The following CUX1 variants were observed in gnomAD, a reference collection of about 807,000 sequenced individuals.
CUX1 encodes protein CASP.
Under a neutral mutation model 158.8 loss-of-function variants are expected in CUX1, and 31 were observed. The ratio of observed to expected loss-of-function variants is 0.20; its 90% confidence interval spans 0.15 to 0.26. CUX1 has a LOEUF of 0.26. Among genes scored for constraint, CUX1 ranks in the 10% least tolerant of loss-of-function variants. The pLI is 1.00. For synonymous variants in CUX1, 879 were observed against 862.1 expected, an observed-to-expected ratio of 1.02 and a Z score of -0.34; for missense variants, 1,589 against 2,014.6, an observed-to-expected ratio of 0.79 and a Z score of 4.04.
At chr7:102,215,910 C>T (rs1796999369) in intron 20 of CUX1, among the ~76,000 whole-genome samples, 2 of 152,232 alleles carry the variant, frequency 1.3e-5, no homozygotes, top group African/African-American at 4.8e-5. Context: ...CAGCATCCTC[C>T]ACACAGATGG....
intron 3 of CUX1, among the ~76,000 whole-genome samples, chr7:102,068,615 C>G (rs973659136): frequency 1.3e-5 from 2 of 152,250 alleles, no homozygotes; most frequent in Admixed American, 6.5e-5. Flanking sequence ...GCCCCACATC[C>G]TTAATCAGGA....
chr7:101,974,264 C>A (rs1028717779), intron 2 of CUX1, among the ~76,000 whole-genome samples: 4 of 152,064 alleles, frequency 2.6e-5, no homozygotes, highest in African/African-American at 9.7e-5. Context: ...ATGACTGAGG[C>A]CACAGAGCCG....
At chr7:102,171,250 T>C (rs1480617863) in intron 10 of CUX1, among the ~76,000 whole-genome samples, 1 of 152,076 alleles carries the variant, frequency 6.6e-6, no homozygotes, top group Non-Finnish European at 1.5e-5. Context: ...CTCAGCAGTC[T>C]GGTGATGGGG....
chr7:102,030,145 G>A (rs1465270563), intron 3 of CUX1, among the ~76,000 whole-genome samples: 1 of 152,072 alleles, frequency 6.6e-6, no homozygotes, highest in Non-Finnish European at 1.5e-5. Context: ...CCAAGTAGCT[G>A]GGATTACAGG....
At chr7:102,048,199 C>A (rs1823043109) in intron 3 of CUX1, among the ~76,000 whole-genome samples, 1 of 152,176 alleles carries the variant, frequency 6.6e-6, no homozygotes, top group African/African-American at 2.4e-5. Flanking sequence ...CAGCTCCAGG[C>A]TCCAGCCTCT....
At position 102,201,551 on chromosome 7, in the gene CUX1, C is replaced by G. The variant is rs782637591; in HGVS notation, c.2254C>G (p.Pro752Ala). The change falls in exon 18 of 24, where the codon CCC (proline) becomes GCC (alanine). Residue 752 changes from proline (P) to alanine (A), a missense_variant. Physicochemically the swap from Pro to Ala is conservative, Grantham distance 27. Coordinates refer to ENST00000292535, the MANE Select transcript of CUX1 (RefSeq NM_181552.4). The surrounding 1 kb of genome is among the most constrained non-coding windows in gnomAD (Gnocchi z 5.0). ...TPKLLSTSPM[P>A]TVSSYPPLAI... The stretch of plus-strand genomic sequence containing the variant: ...CAAGCTTCTGTCCACCTCGCCCATG[C>G]CCACCGTGTCCAGCTACCCACCTCT... The G allele has an allele frequency of 1.9e-6, 3 of 1,614,180 alleles. No individual in the cohort carries two copies. In the Admixed American group the frequency reaches 5.0e-5, roughly 27 times the overall value.
intron 8 of CUX1, among the ~76,000 whole-genome samples, chr7:102,156,061 G>A (rs986415594): frequency 2.0e-5 from 3 of 152,160 alleles, no homozygotes; most frequent in Non-Finnish European, 4.4e-5. Context: ...CCGATCACAA[G>A]GCATCTGTTA....
In CUX1 at chr7:101,817,729, CG is replaced by C. The variant is rs1792030001; in HGVS notation, c.30+66del. ...CAGGCGCGGAGGGAACCGGGGATGT[CG>C]GGGGGTGCCCGGGTCCCGCGGCTTA... On this transcript the variant is annotated intron_variant, in intron 1 of 23. Transcript: ENST00000292535. The surrounding 1 kb of genome is among the most constrained non-coding windows in gnomAD (Gnocchi z 4.1). 31 of 1,538,862 alleles carry C rather than the reference CG, an allele frequency of 2.0e-5. No individual in the cohort carries two copies. Among genetic ancestry groups the C allele is most frequent in the Middle Eastern group, 1.7e-4 (1 of 5,938 alleles).
At chr7:102,282,600 G>C (rs1792164546) in intron 21 of CUX1, 2 of 1,108,442 alleles carry the variant, frequency 1.8e-6, no homozygotes, top group East Asian at 2.6e-5. Flanking sequence ...ACCCGCCCCG[G>C]AGTCTGGGGC....
intron 20 of CUX1, among the ~76,000 whole-genome samples, chr7:102,208,714 G>T (rs1029014768): frequency 3.9e-5 from 6 of 152,160 alleles, no homozygotes; most frequent in Non-Finnish European, 7.3e-5. Context: ...ATTGCTACAG[G>T]ATTCCGATTC....
At chr7:101,902,607 G>A (rs1185814022) in intron 1 of CUX1, among the ~76,000 whole-genome samples, 2 of 152,206 alleles carry the variant, frequency 1.3e-5, no homozygotes, top group African/African-American at 4.8e-5. Context: ...ATTGGTTGGA[G>A]GGTCAACCCA....
chr7:102,237,865 C>T (rs1285611541), intron 22 of CUX1, among the ~76,000 whole-genome samples: 1 of 151,632 alleles, frequency 6.6e-6, no homozygotes, highest in Non-Finnish European at 1.5e-5. Context: ...GAACCATCTC[C>T]AATCATAGGT....
intron 2 of CUX1, among the ~76,000 whole-genome samples, chr7:101,990,834 G>A (rs1049928980): frequency 6.6e-6 from 1 of 152,198 alleles, no homozygotes; most frequent in Admixed American, 6.5e-5. Flanking sequence ...GCTGGGCTCT[G>A]TGTCTTCTGT....
intron 9 of CUX1, among the ~76,000 whole-genome samples, chr7:102,166,931 C>T (rs959447921): frequency 1.7e-4 from 26 of 152,100 alleles, no homozygotes; most frequent in African/African-American, 5.6e-4. Context: ...AGAGACTGTC[C>T]GTGAACTTGG....
chr7:101,851,812 A>G (rs1464005558), intron 1 of CUX1, among the ~76,000 whole-genome samples: 2 of 141,378 alleles, frequency 1.4e-5, no homozygotes, highest in South Asian at 2.3e-4. Flanking sequence ...CTTACTTTTC[A>G]TTTGTCTTTC....
At position 102,144,002 on chromosome 7, in the gene CUX1, G is replaced by A. The variant is rs181764743; in HGVS notation, c.675-14558G>A. Among the ~76,000 whole-genome samples the A allele has an allele frequency of 2.8e-3, 425 of 151,832 alleles. 6 individuals carry two copies. Among genetic ancestry groups the A allele is most frequent in the Admixed American group, 0.026 (402 of 15,216 alleles). On this transcript the variant is annotated intron_variant, in intron 8 of 23. Coordinates refer to ENST00000292535, the MANE Select transcript of CUX1 (RefSeq NM_181552.4). Reference sequence around the variant, plus strand: ...TTACCATGTTGGCCAGGCTGGTCTCGAACTCCTGACCTCAGGCAATCCACC... The same window carrying A: ...TTACCATGTTGGCCAGGCTGGTCTCAAACTCCTGACCTCAGGCAATCCACC...
chr7:102,070,949 TTTC>T (rs1246931184), intron 4 of CUX1, among the ~76,000 whole-genome samples: 157 of 149,032 alleles, frequency 1.1e-3, no homozygotes, highest in East Asian at 3.2e-3. Context: ...TTATTTTTTT[TTTC>T]TAATTTTATT....
chr7:101,832,715 T>C (rs1794190471), intron 1 of CUX1, among the ~76,000 whole-genome samples: 1 of 152,210 alleles, frequency 6.6e-6, no homozygotes, highest in African/African-American at 2.4e-5. Flanking sequence ...TCAATGACAA[T>C]GACTAATTAT....
rs1441335989 is a variant in CUX1 at position 101,858,407 on chromosome 7, C to T, written c.30+40738C>T. On this transcript the variant is annotated intron_variant, in intron 1 of 23. Coordinates refer to ENST00000292535, the MANE Select transcript of CUX1 (RefSeq NM_181552.4). ...GTCCCCTTCTCAGAGGAGCCATCCT[C>T]ACCCATCCCTTCTTGGTCCCTCCCG... Among the ~76,000 whole-genome samples the T allele has an allele frequency of 5.3e-5, 8 of 152,156 alleles. No homozygotes were observed. The East Asian group carries it at 1.3e-3, about 26-fold the overall frequency.
Sources: allele counts gnomAD v4.1 joint callset (sites outside exome capture counted in the v4.1 genomes callset), GRCh38; gene constraint gnomAD v4.1.1; non-coding constraint Gnocchi (gnomAD v3.1); transcripts MANE v1.5; gene names NCBI Gene and HGNC (gene_info 2026-07-23, HGNC 2026-07-21).